The following SULT1E1 variants were observed in gnomAD, a reference collection of about 807,000 sequenced individuals.
SULT1E1 encodes the protein sulfotransferase 1E1.
SULT1E1 carries 36 observed loss-of-function variants against 33.6 expected under a neutral mutation model. The ratio of observed to expected loss-of-function variants is 1.07; its 90% CI spans 0.82 to 1.41. The LOEUF (loss-of-function observed/expected upper bound fraction) is 1.41. Among genes scored for constraint, SULT1E1 ranks in the 40% most tolerant of loss-of-function variants. SULT1E1 has a pLI of 0.00. For missense variants in SULT1E1, 371 were observed against 345.7 expected, an observed-to-expected ratio of 1.07 and a Z score of -0.58; for synonymous variants, 121 against 111.7, an observed-to-expected ratio of 1.08 and a Z score of -0.53.
chr4:69,822,674 T>G, the SULT1E1 span, among the ~76,000 whole-genome samples: 1 of 152,208 alleles, frequency 6.6e-6, no homozygotes, highest in East Asian at 1.9e-4. Flanking sequence ...TGGTGTTTAC[T>G]GTCTACAATC....
chr4:69,836,866 A>G (rs938020600), downstream of SULT1E1, among the ~76,000 whole-genome samples: 7 of 150,206 alleles, frequency 4.7e-5, no homozygotes, highest in Non-Finnish European at 8.9e-5. Flanking sequence ...AATATAGACA[A>G]TATCTAACTG....
rs753404390 is a variant in SULT1E1, at chr4:69,854,220, A to G, written c.366T>C (p.Cys122=). 22 of 1,610,638 alleles carry G rather than the reference A, an allele frequency of 1.4e-5. No homozygotes were observed. The highest frequency in any genetic ancestry group is 2.2e-5 in the East Asian group (1 of 44,754). Reference sequence around the variant, plus strand: ...GAGAACACTTGACTCTGGTTACCTTACAATCCTTTTCCCAAAATGAGGCAG... The same window carrying G: ...GAGAACACTTGACTCTGGTTACCTTGCAATCCTTTTCCCAAAATGAGGCAG... ...LLPASFWEKD[C]KIIYLCRNAK... Residue 122 remains cysteine, a synonymous_variant, in exon 4 of 8, where the codon TGT becomes TGC. Transcript: ENST00000226444.
At chr4:69,855,455 C>T in intron 2 of SULT1E1, 29 bp from the exon 3 acceptor site, 1 of 1,594,342 alleles carries the variant, frequency 6.3e-7, no homozygotes, top group Non-Finnish European at 8.5e-7. Context: ...CCTGAGTCTC[C>T]TGCTGACCCT....
chr4:69,841,840 CAAAAAA>C lies in SULT1E1; in HGVS notation c.*148_*153del. The C allele has an allele frequency of 3.3e-6, 1 of 306,594 alleles. No homozygotes were observed. The allele number at this position is 306,594 out of a possible 1,614,324, so 19.0% of individuals were successfully genotyped here. A position where few individuals can be genotyped will look rare whatever the true frequency, so the allele number is the denominator to read the frequency against. On this transcript the variant is annotated 3_prime_UTR_variant, in exon 8 of 8. Transcript: ENST00000226444. ...TAGGCAACAGAGTGAGACTCTGTCT[CAAAAAA>C]AAAAAAAAAAAGTTAAACAAAAATT...
chr4:69,854,598 A>G (rs1721199806), intron 3 of SULT1E1, among the ~76,000 whole-genome samples: 1 of 152,016 alleles, frequency 6.6e-6, no homozygotes. Context: ...TATTGTGTTC[A>G]TAATAATACT....
At chr4:69,852,471 A>T (rs994194290) in intron 4 of SULT1E1, among the ~76,000 whole-genome samples, 1 of 152,132 alleles carries the variant, frequency 6.6e-6, no homozygotes, top group African/African-American at 2.4e-5. Context: ...TCTTCCAAAA[A>T]ATCCCGCTTC....
chr4:69,839,456 G>A (rs116518216), downstream of SULT1E1, among the ~76,000 whole-genome samples: 797 of 152,286 alleles, frequency 5.2e-3, 4 homozygotes, highest in Non-Finnish European at 9.6e-3. Flanking sequence ...ATCCATTTAT[G>A]AGGGCAGATT....
chr4:69,846,987 G>C (rs976478775), intron 6 of SULT1E1, among the ~76,000 whole-genome samples: 1 of 151,592 alleles, frequency 6.6e-6, no homozygotes, highest in African/African-American at 2.4e-5. Context: ...CATTATCACT[G>C]TATCTTATAT....
chr4:69,849,565 T>G lies in SULT1E1; in HGVS notation c.370-2A>C, dbSNP rs1353454346. ...TGCATTCCGGCAAAGATAGATTATC[T>G]AAGAGGATGAAATTGTATATTAAAC... On this transcript the variant is annotated splice_acceptor_variant, in intron 4 of 7. Transcript: ENST00000226444. LOFTEE classifies it high-confidence loss of function. The G allele has an allele frequency of 6.3e-7, 1 of 1,595,494 alleles. No individual in the cohort carries two copies. Among genetic ancestry groups the G allele is most frequent in the Admixed American group, 1.8e-5 (1 of 55,418 alleles).
At chr4:69,854,722 C>T (rs1432172540) in intron 3 of SULT1E1, among the ~76,000 whole-genome samples, 1 of 151,952 alleles carries the variant, frequency 6.6e-6, no homozygotes, top group Non-Finnish European at 1.5e-5. Flanking sequence ...ACCTTCTATA[C>T]AAATCTACTT....
Position 69,841,780 on chromosome 4 carries a change from G to A in SULT1E1, c.*214C>T. On this transcript the variant is annotated 3_prime_UTR_variant, in exon 8 of 8. Coordinates refer to ENST00000226444, the MANE Select transcript of SULT1E1 (RefSeq NM_005420.3). ...CAATTGAGTCAAGGAGGTCAAGGCT[G>A]CAATCAGCCATGATTGTGCCACTGT... 1 of 381,302 alleles carries A rather than the reference G, an allele frequency of 2.6e-6. No individual in the cohort carries two copies. The allele number at this position is 381,302 out of a possible 1,614,324, so 23.6% of individuals were successfully genotyped here. A position where few individuals can be genotyped will look rare whatever the true frequency, so the allele number is the denominator to read the frequency against.
the SULT1E1 span, among the ~76,000 whole-genome samples, chr4:69,832,688 C>T: frequency 6.6e-6 from 1 of 152,118 alleles, no homozygotes; most frequent in African/African-American, 2.4e-5. Flanking sequence ...GACCCCCCCA[C>T]CATGGCGTCC....
At chr4:69,847,620 T>A (rs183040658) in intron 6 of SULT1E1, 78 bp downstream of exon 6, 1 of 950,600 alleles carries the variant, frequency 1.1e-6, no homozygotes, top group East Asian at 2.6e-5. Context: ...TTTAAAGGAA[T>A]ATTTTTGTAT....
chr4:69,827,987 G>T, the SULT1E1 span, among the ~76,000 whole-genome samples: 3 of 152,206 alleles, frequency 2.0e-5, no homozygotes, highest in African/African-American at 7.2e-5. Flanking sequence ...AAGGCACACT[G>T]CCCCAGAGGG....
the SULT1E1 span, among the ~76,000 whole-genome samples, chr4:69,832,976 C>T: frequency 1.3e-5 from 2 of 152,122 alleles, no homozygotes; most frequent in Admixed American, 6.6e-5. Flanking sequence ...TGAGCTCTGG[C>T]CCTTAGATAA....
At chr4:69,822,676 T>G in the SULT1E1 span, among the ~76,000 whole-genome samples, 1 of 152,180 alleles carries the variant, frequency 6.6e-6, no homozygotes, top group Admixed American at 6.5e-5. Context: ...GTGTTTACTG[T>G]CTACAATCAC....
At chr4:69,825,809 C>A in the SULT1E1 span, among the ~76,000 whole-genome samples, 1 of 152,110 alleles carries the variant, frequency 6.6e-6, no homozygotes, top group Non-Finnish European at 1.5e-5. Context: ...CTGACCCTTG[C>A]CTCCTGGGTC....
the SULT1E1 span, among the ~76,000 whole-genome samples, chr4:69,830,254 C>A: frequency 6.6e-6 from 1 of 152,220 alleles, no homozygotes; most frequent in African/African-American, 2.4e-5. Flanking sequence ...TAGCCTCCCT[C>A]TTTGCCTCCT....
At chr4:69,854,886 C>T (rs1423364476) in intron 3 of SULT1E1, among the ~76,000 whole-genome samples, 1 of 151,870 alleles carries the variant, frequency 6.6e-6, no homozygotes, top group Non-Finnish European at 1.5e-5. Context: ...ATTACACAAC[C>T]TTTAACTATT....
Sources: allele counts gnomAD v4.1 joint callset (sites outside exome capture counted in the v4.1 genomes callset), GRCh38; gene constraint gnomAD v4.1.1; transcripts MANE v1.5; gene names NCBI Gene and HGNC (gene_info 2026-07-23, HGNC 2026-07-21).